The following CCDC57 variants were observed in gnomAD, a reference collection of about 807,000 sequenced individuals.
The protein encoded by CCDC57 is coiled-coil domain containing 57, also known as coiled-coil domain-containing protein 57.
CCDC57 carries 118 observed loss-of-function variants against 118.9 expected under a neutral mutation model. The observed-to-expected ratio is 0.99, with a 90% CI of 0.86 to 1.16. The LOEUF is 1.16. CCDC57 is among the 50% of genes most tolerant of loss of function. The pLI, the probability that CCDC57 is intolerant of heterozygous loss-of-function variation, is 0.00. For missense variants in CCDC57, 1,300 were observed against 1,320.7 expected, an observed-to-expected ratio of 0.98 and a Z score of 0.24; for synonymous variants, 527 against 532.9, an observed-to-expected ratio of 0.99 and a Z score of 0.15.
intron 2 of CCDC57, among the ~76,000 whole-genome samples, chr17:82,206,795 C>T (rs909741126): frequency 5.3e-5 from 8 of 152,112 alleles, no homozygotes; most frequent in Admixed American, 1.3e-4. Flanking sequence ...GTGTCAGAAG[C>T]GGGCAGTCTT....
intron 19 of CCDC57, among the ~76,000 whole-genome samples, chr17:82,108,142 C>T (rs2034996853): frequency 6.6e-6 from 1 of 152,242 alleles, no homozygotes; most frequent in South Asian, 2.1e-4. Flanking sequence ...CCACTGTCCC[C>T]TTGGCCAGGC....
chr17:82,157,626 G>T, intron 15 of CCDC57, 122 bp downstream of exon 14: 1 of 1,456,470 alleles, frequency 6.9e-7, no homozygotes, highest in Non-Finnish European at 9.0e-7. Flanking sequence ...GGCCTTCACT[G>T]CAGCCCTCGT....
At chr17:82,101,631 C>A (rs1276535593) in exon 20 of CCDC57, 7 of 1,433,038 alleles carry the variant, frequency 4.9e-6, no homozygotes, top group Non-Finnish European at 3.8e-6. Flanking sequence ...AGCACAGGCA[C>A]CATGCGGAGG....
At position 82,148,092 on chromosome 17, in the gene CCDC57, G is replaced by A. The variant is rs189838472; in HGVS notation, c.2455+3468C>T. On this transcript the variant is annotated intron_variant, in intron 16 of 19. Transcript: ENST00000665763. The stretch of plus-strand genomic sequence containing the variant: ...TGGGTGGGTAGATGGGTGGATGGAT[G>A]GATGGGTGGGTGGGATAAGTGGTTG... Among the ~76,000 whole-genome samples the A allele has an allele frequency of 2.0e-3, 50 of 25,118 alleles. 4 individuals carry two copies. The highest frequency in any genetic ancestry group is 3.1e-3 in the South Asian group (2 of 648). The allele number at this position is 25,118 out of a possible 152,430, so 16.5% of individuals were successfully genotyped here. A position where few individuals can be genotyped will look rare whatever the true frequency, so the allele number is the denominator to read the frequency against.
chr17:82,177,208 C>T (rs2045633605), intron 11 of CCDC57, among the ~76,000 whole-genome samples: 2 of 151,914 alleles, frequency 1.3e-5, no homozygotes, highest in South Asian at 4.2e-4. Flanking sequence ...AACCCTGTCT[C>T]TACTAAAAAT....
chr17:82,203,278 C>G (rs1009271934), intron 2 of CCDC57, among the ~76,000 whole-genome samples: 1 of 152,144 alleles, frequency 6.6e-6, no homozygotes, highest in African/African-American at 2.4e-5. Context: ...TTTCCTGAGG[C>G]CTCCCCAGAA....
chr17:82,128,365 C>G (rs1052683174), intron 18 of CCDC57, 128 bp downstream of exon 17: 1 of 665,160 alleles, frequency 1.5e-6, no homozygotes, highest in Non-Finnish European at 2.5e-6. Flanking sequence ...TGAGCAGTCC[C>G]TGATGACGGC....
intron 11 of CCDC57, among the ~76,000 whole-genome samples, chr17:82,178,118 C>T (rs2045760533): frequency 6.6e-6 from 1 of 152,204 alleles, no homozygotes; most frequent in Non-Finnish European, 1.5e-5. Flanking sequence ...AACTATCGGC[C>T]ACTAACGTCA....
At chr17:82,139,882 A>ATGG (rs1281209160) in intron 16 of CCDC57, among the ~76,000 whole-genome samples, 5 of 152,184 alleles carry the variant, frequency 3.3e-5, no homozygotes, top group Admixed American at 2.6e-4. Flanking sequence ...GTGGAACAAG[A>ATGG]ACGGACCTCA....
chr17:82,151,492 C>G lies in CCDC57; in HGVS notation c.2455+68G>C, dbSNP rs555419661. On this transcript the variant is annotated intron_variant, in intron 16 of 19. Coordinates refer to ENST00000665763, the Ensembl canonical transcript of CCDC57. ...ACCCACATCCAGAACCTGGCGCACACCCAGAACCAGGTGCACACCCAGAAC... is the reference window on the plus strand; with the variant it reads ...ACCCACATCCAGAACCTGGCGCACAGCCAGAACCAGGTGCACACCCAGAAC... 436 of 1,473,722 alleles carry G rather than the reference C, an allele frequency of 3.0e-4. 1 individual carries two copies. Among genetic ancestry groups the G allele is most frequent in the South Asian group, 2.3e-3 (185 of 80,414 alleles). 91.3% of individuals were successfully genotyped at this position (1,473,722 alleles called of 1,614,324 possible). A position where few individuals can be genotyped will look rare whatever the true frequency, so the allele number is the denominator to read the frequency against.
intron 19 of CCDC57, chr17:82,107,521 A>G (rs945696030): frequency 1.9e-5 from 9 of 470,738 alleles, no homozygotes; most frequent in Middle Eastern, 3.4e-4. Flanking sequence ...AGAAAGGAGG[A>G]AGAGGCCCCC....
intron 19 of CCDC57, among the ~76,000 whole-genome samples, chr17:82,115,792 C>CTT (rs35213711): frequency 3.6e-3 from 239 of 65,658 alleles, no homozygotes; most frequent in East Asian, 4.5e-3. Context: ...TTTATGCAAC[C>CTT]TTTTTTTTTT....
intron 11 of CCDC57, among the ~76,000 whole-genome samples, chr17:82,176,963 A>G (rs1568370623): frequency 6.6e-6 from 1 of 152,032 alleles, no homozygotes; most frequent in Non-Finnish European, 1.5e-5. Context: ...ATTAGCAACC[A>G]GGCCGGGCAT....
chr17:82,152,456 C>T (rs554571541), intron 15 of CCDC57, among the ~76,000 whole-genome samples: 29 of 152,336 alleles, frequency 1.9e-4, no homozygotes, highest in African/African-American at 6.5e-4. Context: ...CCCCTTAGCA[C>T]CCCAAGCCTG....
chr17:82,202,003 T>G, intron 2 of CCDC57, 51 bp from the exon 2 acceptor site: 1 of 1,471,638 alleles, frequency 6.8e-7, no homozygotes. Context: ...GGCCCTAATT[T>G]TCCTACCACA....
exon 3 of CCDC57, chr17:82,201,951 C>G (rs544756947): frequency 6.3e-7 from 1 of 1,584,350 alleles, no homozygotes; most frequent in Non-Finnish European, 8.6e-7. Flanking sequence ...GCATGGTGGC[C>G]GCTGCAGTAA....
intron 1 of CCDC57, among the ~76,000 whole-genome samples, chr17:82,211,759 C>T (rs1599533353): frequency 1.3e-5 from 2 of 152,098 alleles, no homozygotes; most frequent in East Asian, 3.9e-4. Flanking sequence ...AAGGACATAA[C>T]TGGGGCAAGC....
rs1347450224 is a variant in CCDC57, at chr17:82,171,753, GGACA to G, written c.1826_1829del (p.Met609ThrfsTer61). On this transcript the variant is annotated frameshift_variant, in exon 13 of 20. Transcript: ENST00000665763. LOFTEE classifies it high-confidence loss of function. ...TGGGCTGAGACTCAGCATGAGGTGAGGACATCTTTAAAGGATCCAACACATCTTC... is the reference window on the plus strand; with the variant it reads ...TGGGCTGAGACTCAGCATGAGGTGAGTCTTTAAAGGATCCAACACATCTTC... The G allele has an allele frequency of 6.2e-7, 1 of 1,613,898 alleles. No homozygotes were observed. Among genetic ancestry groups the G allele is most frequent in the Non-Finnish European group, 8.5e-7 (1 of 1,179,810 alleles).
chr17:82,134,655 G>T (rs892587998), intron 16 of CCDC57, among the ~76,000 whole-genome samples: 6 of 152,088 alleles, frequency 3.9e-5, no homozygotes. Flanking sequence ...TTAGCTGGGC[G>T]TGGTGGTGGG....
Sources: gnomAD v4.1 joint callset for allele counts (sites outside exome capture counted in the v4.1 genomes callset) on GRCh38, gnomAD v4.1.1 for gene constraint, MANE v1.5 for transcripts, NCBI Gene and HGNC (gene_info 2026-07-23, HGNC 2026-07-21) for gene names.